Variants in WDTC1 observed in about 807,000 individuals in gnomAD.
WDTC1 encodes WD and tetratricopeptide repeats protein 1.
WDTC1 carries 12 observed loss-of-function variants against 76.0 expected under a neutral mutation model. The ratio of observed to expected loss-of-function variants is 0.16; its 90% confidence interval spans 0.10 to 0.26. The LOEUF is 0.26. Ranked by LOEUF, WDTC1 falls within the 10% of genes least tolerant of loss-of-function variation. The pLI, the probability that WDTC1 is intolerant of heterozygous loss-of-function variation, is 1.00. For synonymous variants in WDTC1, 326 were observed against 350.8 expected, an observed-to-expected ratio of 0.93 and a Z score of 0.79; for missense variants, 511 against 908.8, an observed-to-expected ratio of 0.56 and a Z score of 5.63.
rs1405341845 is a variant in WDTC1 at position 27,305,265 on chromosome 1, AGGGAAGAGAAAT to A, written c.1836+74_1836+85del. 163 of 1,519,752 alleles carry A rather than the reference AGGGAAGAGAAAT, an allele frequency of 1.1e-4. No homozygotes were observed. In the African/African-American group the frequency reaches 2.1e-3, roughly 20 times the overall value. 94.1% of individuals were successfully genotyped at this position (1,519,752 alleles called of 1,614,324 possible). On this transcript the variant is annotated intron_variant, in intron 15 of 15. Coordinates refer to ENST00000319394, the MANE Select transcript of WDTC1 (RefSeq NM_001276252.2). This position sits in a 1 kb window ranked among gnomAD's most constrained non-coding sequence, Gnocchi z 4.6. ...AGGCTCCAGTGGAGCCTGCTAGCGCAGGGAAGAGAAATGAGCCACCCAGAGGCTAGAAGCTGC... is the reference window on the plus strand; with the variant it reads ...AGGCTCCAGTGGAGCCTGCTAGCGCAGAGCCACCCAGAGGCTAGAAGCTGC...
chr1:27,300,153 G>A (rs2147990579), intron 12 of WDTC1, among the ~76,000 whole-genome samples: 1 of 152,340 alleles, frequency 6.6e-6, no homozygotes, highest in South Asian at 2.1e-4. Flanking sequence ...TCCGAGGACT[G>A]GGTGCTCCCT....
At chr1:27,238,872 AT>A (rs376787127) in intron 1 of WDTC1, among the ~76,000 whole-genome samples, 2,037 of 146,628 alleles carry the variant, frequency 0.014, 59 homozygotes, top group African/African-American at 0.05. Context: ...GCCCCGGCTA[AT>A]TTTTTTGTAT....
chr1:27,265,404 A>G (rs1365234058), intron 3 of WDTC1, among the ~76,000 whole-genome samples: 1 of 152,312 alleles, frequency 6.6e-6, no homozygotes, highest in East Asian at 1.9e-4. Context: ...TATTTCATCT[A>G]AAATGTGTTT....
intron 3 of WDTC1, among the ~76,000 whole-genome samples, chr1:27,265,327 A>C (rs569608724): frequency 6.6e-6 from 1 of 152,334 alleles, no homozygotes; most frequent in South Asian, 2.1e-4. Context: ...TAGACATTAA[A>C]GAAGTTTGCA....
intron 4 of WDTC1, 42 bp from the exon 5 acceptor site, chr1:27,283,296 A>G: frequency 6.3e-7 from 1 of 1,577,154 alleles, no homozygotes; most frequent in Non-Finnish European, 8.7e-7. Context: ...AAGGGAGCCT[A>G]GGAATTTGAG....
At chr1:27,271,825 T>C (rs1398886679) in intron 3 of WDTC1, among the ~76,000 whole-genome samples, 2 of 150,340 alleles carry the variant, frequency 1.3e-5, no homozygotes, top group East Asian at 2.0e-4. Context: ...TTAGTAGAGA[T>C]GGGGTTTCTC....
intron 2 of WDTC1, among the ~76,000 whole-genome samples, chr1:27,262,228 TA>T (rs1328018177): frequency 6.6e-6 from 1 of 151,184 alleles, no homozygotes; most frequent in Non-Finnish European, 1.5e-5. Context: ...ATGCCTGACC[TA>T]AAAAAATTTT....
chr1:27,237,861 C>CAAAAA (rs11427877), intron 1 of WDTC1, among the ~76,000 whole-genome samples: 20 of 126,296 alleles, frequency 1.6e-4, no homozygotes, highest in Non-Finnish European at 3.1e-4. Context: ...AACTCCATCT[C>CAAAAA]AAAAAAAAAA....
intron 3 of WDTC1, among the ~76,000 whole-genome samples, chr1:27,276,380 C>T (rs2013027732): frequency 6.6e-6 from 1 of 152,110 alleles, no homozygotes; most frequent in African/African-American, 2.4e-5. Context: ...TGCATCCTTG[C>T]CAACACTTCT....
intron 13 of WDTC1, among the ~76,000 whole-genome samples, chr1:27,302,304 G>A (rs929384259): frequency 4.6e-5 from 7 of 151,650 alleles, no homozygotes; most frequent in African/African-American, 1.7e-4. Flanking sequence ...AAACAAAAAA[G>A]TATGACAAGT....
intron 1 of WDTC1, among the ~76,000 whole-genome samples, chr1:27,236,027 G>A (rs2011485091): frequency 6.6e-6 from 1 of 152,094 alleles, no homozygotes; most frequent in Non-Finnish European, 1.5e-5. Context: ...ACTCAAAGAC[G>A]TTACGAAATC....
chr1:27,254,667 C>G (rs550487427), intron 1 of WDTC1, among the ~76,000 whole-genome samples: 26 of 152,044 alleles, frequency 1.7e-4, no homozygotes, highest in Non-Finnish European at 3.2e-4. Context: ...GAGTTTCGCT[C>G]TGTCATCCAG....
intron 1 of WDTC1, among the ~76,000 whole-genome samples, chr1:27,236,192 T>C (rs924188378): frequency 6.6e-6 from 1 of 152,212 alleles, no homozygotes; most frequent in African/African-American, 2.4e-5. Flanking sequence ...GTGATTCTTA[T>C]ATCTTTAGCG....
chr1:27,236,419 T>A (rs534771330), intron 1 of WDTC1, among the ~76,000 whole-genome samples: 150 of 152,346 alleles, frequency 9.8e-4, no homozygotes, highest in Non-Finnish European at 1.9e-3. Context: ...CTTTCCTTTT[T>A]TGACCTATAT....
chr1:27,294,690 T>C (rs1222446850), intron 9 of WDTC1, 61 bp downstream of exon 9: 2 of 1,433,602 alleles, frequency 1.4e-6, no homozygotes, highest in African/African-American at 2.8e-5. Flanking sequence ...GCCAGGGGCA[T>C]GTACCTTATG....
chr1:27,283,556 G>C, intron 5 of WDTC1, 107 bp downstream of exon 5: 2 of 876,158 alleles, frequency 2.3e-6, no homozygotes, highest in Non-Finnish European at 3.6e-6. Context: ...ATACCGTCTA[G>C]GGTCACAGAC....
intron 12 of WDTC1, among the ~76,000 whole-genome samples, chr1:27,298,999 G>C (rs907756574): frequency 6.6e-6 from 1 of 152,196 alleles, no homozygotes; most frequent in Admixed American, 6.5e-5. Flanking sequence ...AAGGCATCAG[G>C]AGTTGGCCAA....
intron 1 of WDTC1, among the ~76,000 whole-genome samples, chr1:27,249,266 CAA>C (rs71010343): frequency 1.4e-5 from 2 of 140,244 alleles, no homozygotes; most frequent in African/African-American, 2.6e-5. Context: ...GAGACTGTCT[CAA>C]AAAAAAAAAA....
intron 11 of WDTC1, among the ~76,000 whole-genome samples, chr1:27,297,410 T>TA (rs779495680): frequency 2.6e-5 from 4 of 152,182 alleles, no homozygotes. Flanking sequence ...ACTCAGGAGC[T>TA]AGCTGCCTCT....
Sources: gnomAD v4.1 joint callset for allele counts (sites outside exome capture counted in the v4.1 genomes callset) on GRCh38, gnomAD v4.1.1 for gene constraint, Gnocchi (gnomAD v3.1) non-coding constraint, MANE v1.5 for transcripts, NCBI Gene and HGNC (gene_info 2026-07-23, HGNC 2026-07-21) for gene names.